The following MB21D2 variants were observed in gnomAD, a reference collection of about 807,000 sequenced individuals.
MB21D2 encodes nucleotidyltransferase MB21D2.
A neutral mutation model predicts 33.3 loss-of-function variants in MB21D2; 9 were observed. The observed-to-expected ratio is 0.27, with a 90% CI of 0.16 to 0.47. The LOEUF is 0.47. MB21D2 is among the 20% of genes least tolerant of loss of function. MB21D2 has a pLI of 0.99. For missense variants in MB21D2, 540 were observed against 624.6 expected (o/e 0.86, Z 1.44); for synonymous variants, 241 against 236.3 (o/e 1.02, Z -0.18).
chr3:192,893,323 C>A (rs1052630335), intron 1 of MB21D2, among the ~76,000 whole-genome samples: 4 of 152,214 alleles, frequency 2.6e-5, no homozygotes, highest in African/African-American at 9.6e-5. Flanking sequence ...TCAAACCGAC[C>A]ACCACTGCAA....
At chr3:192,907,195 C>T (rs766510247) in intron 1 of MB21D2, among the ~76,000 whole-genome samples, 1 of 152,178 alleles carries the variant, frequency 6.6e-6, no homozygotes, top group Non-Finnish European at 1.5e-5. Flanking sequence ...CTGGCAAGTA[C>T]TTACCCAGGT....
chr3:192,849,922 C>CTTT (rs58263373), intron 1 of MB21D2, among the ~76,000 whole-genome samples: 1 of 139,890 alleles, frequency 7.1e-6, no homozygotes, highest in Admixed American at 7.2e-5. Context: ...TAAAAATTTT[C>CTTT]TTTTTTTTTT....
chr3:192,876,089 C>T (rs760903465), intron 1 of MB21D2, among the ~76,000 whole-genome samples: 1 of 152,178 alleles, frequency 6.6e-6, no homozygotes, highest in African/African-American at 2.4e-5. Context: ...AGTTCTGACA[C>T]TTTTATGCTC....
chr3:192,837,820 A>G (rs1712472614), intron 1 of MB21D2, among the ~76,000 whole-genome samples: 1 of 152,232 alleles, frequency 6.6e-6, no homozygotes, highest in Non-Finnish European at 1.5e-5. Context: ...TTGAAAGAAA[A>G]CAACTGAGAA....
chr3:192,883,204 G>A (rs1436637895), intron 1 of MB21D2, among the ~76,000 whole-genome samples: 2 of 151,954 alleles, frequency 1.3e-5, no homozygotes, highest in African/African-American at 2.4e-5. Context: ...ATCTTGTGCC[G>A]GTATTCTTCA....
intron 1 of MB21D2, among the ~76,000 whole-genome samples, chr3:192,849,017 C>T (rs902740311): frequency 3.3e-5 from 5 of 152,190 alleles, no homozygotes; most frequent in Non-Finnish European, 5.9e-5. Flanking sequence ...TTGGGCTCAT[C>T]TGTCTATTCT....
rs1713243108 is a variant in MB21D2 at position 192,869,407 on chromosome 3, G to A, written c.211+48223C>T. On this transcript the variant is annotated intron_variant, in intron 1 of 1. Coordinates refer to ENST00000392452, the MANE Select transcript of MB21D2 (RefSeq NM_178496.4). ...AAGTGGAATAATGTGATAGGCTTGA[G>A]TAGTGGAGGAGACTGACACAGTGAA... is the stretch of plus-strand genomic sequence containing the variant. 2.6e-5 allele frequency among the ~76,000 whole-genome samples: 4 copies of A among 152,108 alleles called. No homozygotes were observed. The South Asian group carries it at 8.3e-4, about 32-fold the overall frequency.
chr3:192,910,996 C>G (rs1245528827), intron 1 of MB21D2, among the ~76,000 whole-genome samples: 1 of 152,178 alleles, frequency 6.6e-6, no homozygotes, highest in Non-Finnish European at 1.5e-5. Flanking sequence ...TTAAGCCCAA[C>G]TTATATATTT....
chr3:192,819,179 G>A (rs1711991533), intron 1 of MB21D2, among the ~76,000 whole-genome samples: 1 of 152,116 alleles, frequency 6.6e-6, no homozygotes. Context: ...GAAGAAAAGA[G>A]AGATAGGAAT....
intron 1 of MB21D2, among the ~76,000 whole-genome samples, chr3:192,911,886 A>T (rs1023688517): frequency 6.6e-6 from 1 of 152,326 alleles, no homozygotes; most frequent in South Asian, 2.1e-4. Flanking sequence ...TGTGCACTCT[A>T]CAGATGCAGC....
intron 1 of MB21D2, among the ~76,000 whole-genome samples, chr3:192,816,700 G>A (rs1057319230): frequency 6.6e-6 from 1 of 152,108 alleles, no homozygotes; most frequent in Non-Finnish European, 1.5e-5. Flanking sequence ...CAGCTTTGAG[G>A]TGAACAAGGA....
At chr3:192,837,004 C>A (rs780186424) in intron 1 of MB21D2, among the ~76,000 whole-genome samples, 1 of 152,054 alleles carries the variant, frequency 6.6e-6, no homozygotes, top group East Asian at 1.9e-4. Context: ...GACATCCAAA[C>A]GGCATACATC....
At chr3:192,913,967 G>A (rs1714409259) in intron 1 of MB21D2, among the ~76,000 whole-genome samples, 1 of 152,118 alleles carries the variant, frequency 6.6e-6, no homozygotes, top group African/African-American at 2.4e-5. Flanking sequence ...TCTTATTATA[G>A]AATACTTGAA....
At chr3:192,896,090 C>T (rs1713967101) in intron 1 of MB21D2, among the ~76,000 whole-genome samples, 2 of 152,300 alleles carry the variant, frequency 1.3e-5, no homozygotes, top group African/African-American at 4.8e-5. Context: ...ACATACAACA[C>T]ATGCATTAAG....
At chr3:192,909,918 C>T (rs1714303289) in intron 1 of MB21D2, among the ~76,000 whole-genome samples, 1 of 105,622 alleles carries the variant, frequency 9.5e-6, no homozygotes, top group Non-Finnish European at 1.7e-5. Flanking sequence ...GCCTGAGTGA[C>T]AGAGCAAGAC....
rs572525997 is a variant in MB21D2, at chr3:192,849,682, CCT to C, written c.212-50034_212-50033del. Among the ~76,000 whole-genome samples, 280 of 152,294 alleles carry C rather than the reference CCT, an allele frequency of 1.8e-3. 1 individual carries two copies. The highest frequency in any genetic ancestry group is 0.015 in the South Asian group (73 of 4,830). On this transcript the variant is annotated intron_variant, in intron 1 of 1. Transcript: ENST00000392452. ...CCCTTTTTACTTTGCTCTACTTCAA[CCT>C]TTTTTCATGACACTTATTCTATTAA...
At chr3:192,808,364 G>C (rs556131393) in intron 1 of MB21D2, among the ~76,000 whole-genome samples, 1 of 152,176 alleles carries the variant, frequency 6.6e-6, no homozygotes, top group Non-Finnish European at 1.5e-5. Flanking sequence ...GGAAGAAGAG[G>C]AGTGAAAATT....
intron 1 of MB21D2, among the ~76,000 whole-genome samples, chr3:192,912,207 G>A (rs146583890): frequency 3.0e-3 from 456 of 152,316 alleles, no homozygotes; most frequent in African/African-American, 0.011. Flanking sequence ...AGGAAACAGG[G>A]GAGGGGTCCC....
Position 192,799,288 on chromosome 3 carries a change from T to C in MB21D2, c.574A>G (p.Ile192Val), listed in dbSNP as rs1363538563. Residue 192 changes from isoleucine (I) to valine (V), a missense_variant, in exon 2 of 2, where the codon ATC (isoleucine) becomes GTC (valine). By Grantham distance (29) the Ile-to-Val change is conservative. Coordinates refer to ENST00000392452, the MANE Select transcript of MB21D2 (RefSeq NM_178496.4). The surrounding 1 kb of genome is among the most constrained non-coding windows in gnomAD (Gnocchi z 4.1). Reference sequence around the variant, plus strand: ...TGTATTTCTGATAGGACAATGCTGATAGAGTCATAGAACCAGTCAGCCACT... The same window carrying C: ...TGTATTTCTGATAGGACAATGCTGACAGAGTCATAGAACCAGTCAGCCACT... ...TKVADWFYDS[I>V]SIVLSEIQKK... 1.2e-6 allele frequency: 2 copies of C among 1,614,232 alleles called. No homozygotes were observed. Among genetic ancestry groups the C allele is most frequent in the Admixed American group, 1.7e-5 (1 of 60,034 alleles).
Sources: allele counts gnomAD v4.1 joint callset (sites outside exome capture counted in the v4.1 genomes callset), GRCh38; gene constraint gnomAD v4.1.1; non-coding constraint Gnocchi (gnomAD v3.1); transcripts MANE v1.5; gene names NCBI Gene and HGNC (gene_info 2026-07-23, HGNC 2026-07-21).